FOXP1: variants seen among roughly 807,000 people sequenced by gnomAD.
FOXP1 encodes the protein forkhead box P1.
A neutral mutation model predicts 98.2 loss-of-function variants in FOXP1; 15 were observed. That is an observed-to-expected ratio of 0.15 (90% confidence interval 0.10 to 0.24). The LOEUF (loss-of-function observed/expected upper bound fraction) is 0.24. Ranked by LOEUF, FOXP1 falls within the 10% of genes least tolerant of loss-of-function variation. The pLI, the probability that FOXP1 is intolerant of heterozygous loss-of-function variation, is 1.00. For missense variants in FOXP1, 633 were observed against 848.5 expected (o/e 0.75, Z 3.15); for synonymous variants, 371 against 314.5 (o/e 1.18, Z -1.90).
intron 2 of FOXP1, among the ~76,000 whole-genome samples, chr3:71,567,626 C>G (rs1057375340): frequency 6.6e-6 from 1 of 152,162 alleles, no homozygotes; most frequent in Non-Finnish European, 1.5e-5. Flanking sequence ...TGGTACCGCA[C>G]GTCCATAAAA....
intron 6 of FOXP1, among the ~76,000 whole-genome samples, chr3:71,181,188 A>T (rs1447586139): frequency 6.6e-6 from 1 of 152,184 alleles, no homozygotes; most frequent in Non-Finnish European, 1.5e-5. Flanking sequence ...TTGGATTTTA[A>T]TATAAAGCGG....
At chr3:71,397,979 GGA>G (rs912117180) in intron 3 of FOXP1, among the ~76,000 whole-genome samples, 27 of 152,156 alleles carry the variant, frequency 1.8e-4, no homozygotes, top group Admixed American at 9.2e-4. Flanking sequence ...AGAGAGAAGG[GGA>G]GAGGAAGGAA....
chr3:71,002,128 G>C (rs766231132), intron 12 of FOXP1, among the ~76,000 whole-genome samples: 2 of 152,096 alleles, frequency 1.3e-5, no homozygotes, highest in Non-Finnish European at 2.9e-5. Context: ...GTAACCCTTT[G>C]AAACAACTAA....
chr3:71,513,143 C>G (rs1347785143), intron 2 of FOXP1, among the ~76,000 whole-genome samples: 1 of 152,174 alleles, frequency 6.6e-6, no homozygotes, highest in African/African-American at 2.4e-5. Context: ...AGCCTGTCCT[C>G]TGGAATGTCT....
At chr3:71,582,926 C>A in intron 1 of FOXP1, 1 of 484,086 alleles carries the variant, frequency 2.1e-6, no homozygotes, top group Non-Finnish European at 2.7e-6. Context: ...AGTCAGTTTG[C>A]TGGGGCCCGC....
chr3:71,328,296 T>TA (rs1052587224), intron 4 of FOXP1, among the ~76,000 whole-genome samples: 1 of 151,698 alleles, frequency 6.6e-6, no homozygotes, highest in African/African-American at 2.4e-5. Context: ...ATTTAAAAAT[T>TA]AAAAAAAAGA....
At chr3:71,335,322 T>C (rs1312256610) in intron 4 of FOXP1, 5 of 151,902 alleles carry the variant, frequency 3.3e-5, no homozygotes, top group African/African-American at 1.2e-4. Context: ...AGACTAGGGA[T>C]AGCATATGTA....
At chr3:70,982,709 TAATTA>T (rs1241262735) in intron 14 of FOXP1, among the ~76,000 whole-genome samples, 2 of 152,136 alleles carry the variant, frequency 1.3e-5, no homozygotes, top group East Asian at 3.9e-4. Flanking sequence ...TTTTTTTAAT[TAATTA>T]ATCTTTCTTT....
At chr3:71,449,128 T>C (rs944321774) in intron 3 of FOXP1, among the ~76,000 whole-genome samples, 23 of 152,320 alleles carry the variant, frequency 1.5e-4, no homozygotes, top group African/African-American at 5.5e-4. Context: ...TAAATTTTGG[T>C]AATAAAAACA....
intron 6 of FOXP1, among the ~76,000 whole-genome samples, chr3:71,187,112 T>C (rs73839433): frequency 0.017 from 2,610 of 152,364 alleles, 78 homozygotes; most frequent in African/African-American, 0.059. Flanking sequence ...TAGTGCCTTA[T>C]ACCTAGCCCC....
At chr3:71,346,588 G>A (rs537005323) in intron 4 of FOXP1, among the ~76,000 whole-genome samples, 1 of 152,264 alleles carries the variant, frequency 6.6e-6, no homozygotes, top group Non-Finnish European at 1.5e-5. Context: ...ACCTAATCGA[G>A]AAAGTTTCCT....
chr3:71,489,368 T>C (rs1405948820), intron 3 of FOXP1, among the ~76,000 whole-genome samples: 2 of 152,134 alleles, frequency 1.3e-5, no homozygotes, highest in African/African-American at 4.8e-5. Flanking sequence ...CGCTTATGTC[T>C]TTTCACCAGA....
At chr3:70,972,378 G>T in intron 18 of FOXP1, 177 bp downstream of exon 18, 2 of 970,970 alleles carry the variant, frequency 2.1e-6, no homozygotes, top group Non-Finnish European at 3.2e-6. Flanking sequence ...AGCAAGCAGG[G>T]CAGGGGGACT....
In FOXP1 at chr3:71,483,852, A is replaced by C. The variant is rs535253677; in HGVS notation, c.-168+9574T>G. 2.8e-4 allele frequency among the ~76,000 whole-genome samples: 43 copies of C among 152,264 alleles called. No homozygotes were observed. The South Asian group carries it at 8.1e-3, about 29-fold the overall frequency. On this transcript the variant is annotated intron_variant, in intron 3 of 20. Coordinates refer to ENST00000649528, the MANE Select transcript of FOXP1 (RefSeq NM_001349338.3). ...TTTCCTAAAAACACAGTAGTAAAAA[A>C]AAATAAAAATAAATAAAAATTTGAA... is the stretch of plus-strand genomic sequence containing the variant.
intron 4 of FOXP1, among the ~76,000 whole-genome samples, chr3:71,320,373 T>C (rs1355790412): frequency 6.6e-6 from 1 of 151,728 alleles, no homozygotes. Context: ...GAACCACCAT[T>C]CTACCACGGA....
intron 10 of FOXP1, among the ~76,000 whole-genome samples, chr3:71,044,990 T>C (rs1310707456): frequency 1.3e-5 from 2 of 152,332 alleles, no homozygotes; most frequent in African/African-American, 2.4e-5. Flanking sequence ...TAGTCCAACA[T>C]GACTGAATTC....
intron 14 of FOXP1, among the ~76,000 whole-genome samples, chr3:70,987,511 A>C (rs1253459941): frequency 6.6e-6 from 1 of 152,220 alleles, no homozygotes; most frequent in Non-Finnish European, 1.5e-5. Flanking sequence ...GACTATTCCA[A>C]CACTAGGTTT....
intron 6 of FOXP1, among the ~76,000 whole-genome samples, chr3:71,173,538 A>G (rs1298442786): frequency 6.6e-6 from 1 of 152,182 alleles, no homozygotes; most frequent in African/African-American, 2.4e-5. Flanking sequence ...AGACATGGAG[A>G]AGCAGAAGGC....
chr3:71,575,386 A>G (rs1358155869), intron 2 of FOXP1, among the ~76,000 whole-genome samples: 2 of 152,178 alleles, frequency 1.3e-5, no homozygotes, highest in Non-Finnish European at 2.9e-5. Context: ...TTATAAATGT[A>G]CGTTACCATG....
Sources: allele counts gnomAD v4.1 joint callset (sites outside exome capture counted in the v4.1 genomes callset), GRCh38; gene constraint gnomAD v4.1.1; transcripts MANE v1.5; gene names NCBI Gene and HGNC (gene_info 2026-07-23, HGNC 2026-07-21).